Variants in SRPRA observed in about 807,000 individuals in gnomAD.
SRPRA encodes the protein SRP receptor subunit alpha.
A neutral mutation model predicts 61.1 loss-of-function variants in SRPRA; 30 were observed. That is an observed-to-expected ratio of 0.49 (90% CI 0.37 to 0.67). SRPRA has a LOEUF of 0.67. Ranked by LOEUF, SRPRA falls within the 30% of genes least tolerant of loss-of-function variation. The pLI is 0.00. For missense variants in SRPRA, 759 were observed against 828.4 expected, an observed-to-expected ratio of 0.92 and a Z score of 1.03; for synonymous variants, 324 against 299.7, an observed-to-expected ratio of 1.08 and a Z score of -0.84.
the SRPRA span, among the ~76,000 whole-genome samples, chr11:126,254,891 T>C: frequency 6.6e-6 from 1 of 152,222 alleles, no homozygotes. Context: ...TGGGTGTGCA[T>C]GCTGTCTAGG....
At chr11:126,242,312 G>A in the SRPRA span, among the ~76,000 whole-genome samples, 88 of 152,234 alleles carry the variant, frequency 5.8e-4, no homozygotes, top group African/African-American at 1.9e-3. Context: ...AAAGTGAGCC[G>A]GGGATGGTGG....
At chr11:126,251,697 C>T in the SRPRA span, among the ~76,000 whole-genome samples, 3 of 150,518 alleles carry the variant, frequency 2.0e-5, no homozygotes, top group East Asian at 1.9e-4. Context: ...GTCTCTTGTC[C>T]GTTTCCTTTG....
the SRPRA span, among the ~76,000 whole-genome samples, chr11:126,253,642 A>T: frequency 1.3e-5 from 2 of 152,080 alleles, no homozygotes; most frequent in African/African-American, 4.8e-5. The surrounding 1 kb of genome is among the most constrained non-coding windows in gnomAD (Gnocchi z 5.1). Context: ...TCAGCCAGGC[A>T]TTTTTTCTGC....
downstream of SRPRA, chr11:126,262,077 T>C: frequency 6.2e-7 from 1 of 1,612,450 alleles, no homozygotes; most frequent in South Asian, 1.1e-5. Flanking sequence ...TATAAACCTG[T>C]TTTGTGAAAC....
Position 126,267,081 on chromosome 11 carries a change from C to A in SRPRA, c.526+94G>T. ...GGATGGTGACCATTTGAGTGAGAAG[C>A]AGGTAAGCAATGACAAAAGGAAGGA... On this transcript the variant is annotated intron_variant, in intron 4 of 13. Transcript: ENST00000332118. The surrounding 1 kb of genome is among the most constrained non-coding windows in gnomAD (Gnocchi z 4.2). 6.5e-7 allele frequency: 1 copy of A among 1,540,236 alleles called. No individual in the cohort carries two copies. Among genetic ancestry groups the A allele is most frequent in the Non-Finnish European group, 8.8e-7 (1 of 1,137,314 alleles).
the SRPRA span, chr11:126,256,472 C>A: frequency 8.6e-7 from 1 of 1,157,514 alleles, no homozygotes; most frequent in Non-Finnish European, 1.2e-6. This position sits in a 1 kb window ranked among gnomAD's most constrained non-coding sequence, Gnocchi z 6.6. Context: ...CTTAATTGGT[C>A]ATCACAGTCT....
rs1280445724 is a variant in SRPRA, at chr11:126,267,679, C to T, written c.235G>A (p.Val79Ile). 1.2e-6 allele frequency: 2 copies of T among 1,613,992 alleles called. No individual in the cohort carries two copies. Among genetic ancestry groups the T allele is most frequent in the African/African-American group, 2.7e-5 (2 of 74,920 alleles). ...GFQKILTLTYVDKLIDDVHRL... is the reference protein window; with the variant it reads ...GFQKILTLTYIDKLIDDVHRL... ...TGCACGTCATCTATCAATTTGTCTACATATGTCAGTGTCAGGATCTTCTGA... is the reference window on the plus strand; with the variant it reads ...TGCACGTCATCTATCAATTTGTCTATATATGTCAGTGTCAGGATCTTCTGA... The change falls in exon 3 of 14, where the codon GTA (valine) becomes ATA (isoleucine). Residue 79 changes from valine (V) to isoleucine (I), a missense_variant. Coordinates refer to ENST00000332118, the MANE Select transcript of SRPRA (RefSeq NM_003139.4). This position sits in a 1 kb window ranked among gnomAD's most constrained non-coding sequence, Gnocchi z 4.2.
the SRPRA span, chr11:126,250,394 A>T: frequency 1.4e-6 from 1 of 722,510 alleles, no homozygotes; most frequent in Non-Finnish European, 2.3e-6. The surrounding 1 kb of genome is among the most constrained non-coding windows in gnomAD (Gnocchi z 5.1). Context: ...CCTGGCCTTT[A>T]TCTCTGTTTT....
rs983623976 is a variant in SRPRA at position 126,268,190 on chromosome 11, A to G, written c.118-104T>C. The G allele has an allele frequency of 8.5e-6, 8 of 942,976 alleles. No homozygotes were observed. The Admixed American group carries it at 1.3e-4, about 15-fold the overall frequency. The allele number at this position is 942,976 out of a possible 1,614,324, so 58.4% of individuals were successfully genotyped here. On this transcript the variant is annotated intron_variant, in intron 1 of 13. Transcript: ENST00000332118. ...GGAAAGAGCCAAACATTTCCCCCAAACTCAAATCTGTCCCCAGGACAAGAG... is the reference window on the plus strand; with the variant it reads ...GGAAAGAGCCAAACATTTCCCCCAAGCTCAAATCTGTCCCCAGGACAAGAG...
the SRPRA span, among the ~76,000 whole-genome samples, chr11:126,251,267 A>G: frequency 3.9e-5 from 6 of 152,302 alleles, no homozygotes; most frequent in East Asian, 1.9e-4. Context: ...AGCTAATGAG[A>G]TGAGTTCTTA....
At chr11:126,241,002 C>A in the SRPRA span, 2 of 1,613,364 alleles carry the variant, frequency 1.2e-6, no homozygotes, top group Non-Finnish European at 1.7e-6. Flanking sequence ...AAGACAAGAA[C>A]CTGGTCCATG....
the SRPRA span, chr11:126,254,439 T>C: frequency 6.2e-7 from 1 of 1,613,942 alleles, no homozygotes; most frequent in Non-Finnish European, 8.5e-7. Flanking sequence ...TCATGGTGAG[T>C]GGGGCTGATC....
In SRPRA at chr11:126,264,496, G is replaced by A. The variant is rs1950766981; in HGVS notation, c.1569C>T (p.Gly523=). The A allele has an allele frequency of 1.9e-6, 3 of 1,613,792 alleles. No individual in the cohort carries two copies. The change falls in exon 12 of 14, where the codon GGC becomes GGT. Residue 523 remains glycine (G), a synonymous_variant. Transcript: ENST00000332118. The surrounding 1 kb of genome is among the most constrained non-coding windows in gnomAD (Gnocchi z 5.0). ...TCAGAGGGGCATTGTCTTGCATGCGGCCTGCCGTGTCCACCAGCACCACGT... is the reference window on the plus strand; with the variant it reads ...TCAGAGGGGCATTGTCTTGCATGCGACCTGCCGTGTCCACCAGCACCACGT... The part of the protein sequence containing the change: ...GFDVVLVDTA[G]RMQDNAPLMT...
At chr11:126,255,199 G>A in the SRPRA span, among the ~76,000 whole-genome samples, 1,077 of 152,248 alleles carry the variant, frequency 7.1e-3, 12 homozygotes, top group African/African-American at 0.023. This position sits in a 1 kb window ranked among gnomAD's most constrained non-coding sequence, Gnocchi z 4.6. Flanking sequence ...AAAGCTTATT[G>A]ATCTTTTGGG....
At position 126,267,765 on chromosome 11, in the gene SRPRA, G is replaced by A. The variant is rs1950845484; in HGVS notation, c.202-53C>T. Reference sequence around the variant, plus strand: ...ATCTGCTTACATACTAGCCTAGAATGGAGGGACGCCAACTCAACCCTGGCT... The same window carrying A: ...ATCTGCTTACATACTAGCCTAGAATAGAGGGACGCCAACTCAACCCTGGCT... On this transcript the variant is annotated intron_variant, in intron 2 of 13. Coordinates refer to ENST00000332118, the MANE Select transcript of SRPRA (RefSeq NM_003139.4). The surrounding 1 kb of genome is among the most constrained non-coding windows in gnomAD (Gnocchi z 4.2). 6.2e-7 allele frequency: 1 copy of A among 1,602,736 alleles called. No individual in the cohort carries two copies. Among genetic ancestry groups the A allele is most frequent in the South Asian group, 1.1e-5 (1 of 90,360 alleles).
At chr11:126,256,901 A>G in the SRPRA span, 1 of 1,543,576 alleles carries the variant, frequency 6.5e-7, no homozygotes, top group Non-Finnish European at 8.8e-7. The surrounding 1 kb of genome is among the most constrained non-coding windows in gnomAD (Gnocchi z 6.6). Context: ...ACAGCTCTTC[A>G]GCCTTTTGTG....
At chr11:126,244,834 G>T in the SRPRA span, among the ~76,000 whole-genome samples, 1 of 151,992 alleles carries the variant, frequency 6.6e-6, no homozygotes, top group African/African-American at 2.4e-5. The surrounding 1 kb of genome is among the most constrained non-coding windows in gnomAD (Gnocchi z 4.5). Context: ...GAGAACTTAT[G>T]CTTTGAAAAC....
the SRPRA span, among the ~76,000 whole-genome samples, chr11:126,236,297 G>C: frequency 6.6e-6 from 1 of 152,162 alleles, no homozygotes; most frequent in Non-Finnish European, 1.5e-5. Flanking sequence ...GGACATATTT[G>C]AAAAGGTCTT....
chr11:126,236,766 TC>T, the SRPRA span, among the ~76,000 whole-genome samples: 6 of 151,948 alleles, frequency 3.9e-5, no homozygotes, highest in African/African-American at 4.8e-5. Context: ...TTTATTTTTT[TC>T]CCCCCCATTT....
Sources: allele counts gnomAD v4.1 joint callset (sites outside exome capture counted in the v4.1 genomes callset), GRCh38; gene constraint gnomAD v4.1.1; non-coding constraint Gnocchi (gnomAD v3.1); transcripts MANE v1.5; gene names NCBI Gene and HGNC (gene_info 2026-07-23, HGNC 2026-07-21).